Variants in GRHPR observed in about 807,000 individuals in gnomAD.
GRHPR encodes glyoxylate and hydroxypyruvate reductase.
GRHPR carries 35 observed loss-of-function variants against 36.8 expected under a neutral mutation model. The observed-to-expected ratio is 0.95, with a 90% CI of 0.73 to 1.26. GRHPR has a LOEUF of 1.26. Among genes scored for constraint, GRHPR ranks in the 50% most tolerant of loss-of-function variants. The pLI, the probability that GRHPR is intolerant of heterozygous loss-of-function variation, is 0.00. For synonymous variants in GRHPR, 179 were observed against 181.0 expected, an observed-to-expected ratio of 0.99 and a Z score of 0.09; for missense variants, 380 against 435.0, an observed-to-expected ratio of 0.87 and a Z score of 1.12.
chr9:37,435,639 G>A (rs1466517168), intron 8 of GRHPR, among the ~76,000 whole-genome samples: 5 of 151,864 alleles, frequency 3.3e-5, no homozygotes, highest in East Asian at 3.9e-4. Flanking sequence ...ACCTGTAATC[G>A]CAGCCCTTTG....
Position 37,436,109 on chromosome 9 carries a change from T to A in GRHPR, c.866-552T>A, listed in dbSNP as rs570813971. 8.5e-5 allele frequency among the ~76,000 whole-genome samples: 13 copies of A among 152,244 alleles called. No individual in the cohort carries two copies. The East Asian group carries it at 2.5e-3, about 29-fold the overall frequency. ...GTGGCCAGTGCTAAACTCCTATGCG[T>A]TCACCATTTTTTTGTTTGAGACAGA... On this transcript the variant is annotated intron_variant, in intron 8 of 8. Transcript: ENST00000318158.
chr9:37,435,023 G>A (rs536603765), intron 8 of GRHPR: 229 of 152,122 alleles, frequency 1.5e-3, no homozygotes, highest in Non-Finnish European at 2.1e-3. Flanking sequence ...AGGCCAAGGC[G>A]GGAGGATCAC....
intron 8 of GRHPR, chr9:37,433,924 C>T (rs75859510): frequency 2.5e-6 from 1 of 397,464 alleles, no homozygotes; most frequent in African/African-American, 2.1e-5. Context: ...TGAATGCTCC[C>T]ATTATTGCAG....
chr9:37,428,085 G>T, intron 4 of GRHPR: 1 of 334,958 alleles, frequency 3.0e-6, no homozygotes, highest in Non-Finnish European at 5.8e-6. Flanking sequence ...CAGCAGGGTG[G>T]GCCCTGTGGC....
chr9:37,437,570 T>C (rs1170576750), downstream of GRHPR, among the ~76,000 whole-genome samples: 2 of 152,208 alleles, frequency 1.3e-5, no homozygotes, highest in Admixed American at 6.5e-5. Context: ...GTAACTCTTA[T>C]TTTGGTCAGA....
At position 37,436,802 on chromosome 9, in the gene GRHPR, G is replaced by A. The variant is rs772430983; in HGVS notation, c.*20G>A. On this transcript the variant is annotated 3_prime_UTR_variant, in exon 9 of 9. Coordinates refer to ENST00000318158, the MANE Select transcript of GRHPR (RefSeq NM_012203.2). Reference sequence around the variant, plus strand: ...CTGTAGCCAAACAGTAGAGATGGAGGGCCGGGAAGCAAACCGTGCCCTGGT... The same window carrying A: ...CTGTAGCCAAACAGTAGAGATGGAGAGCCGGGAAGCAAACCGTGCCCTGGT... 1.2e-6 allele frequency: 2 copies of A among 1,613,734 alleles called. No individual in the cohort carries two copies. Among genetic ancestry groups the A allele is most frequent in the South Asian group, 1.1e-5 (1 of 91,034 alleles).
intron 6 of GRHPR, 126 bp downstream of exon 6, chr9:37,429,962 G>A (rs1823280873): frequency 1.4e-6 from 1 of 710,498 alleles, no homozygotes; most frequent in Non-Finnish European, 2.6e-6. Context: ...CTGCTGTCTG[G>A]TAGATGTTTA....
Position 37,425,924 on chromosome 9 carries a change from G to A in GRHPR, c.217G>A (p.Ala73Thr). The A allele has an allele frequency of 1.9e-6, 3 of 1,611,960 alleles. No homozygotes were observed. Among genetic ancestry groups the A allele is most frequent in the Non-Finnish European group, 2.5e-6 (3 of 1,177,994 alleles). Residue 73 changes from alanine to threonine, a missense_variant and splice_region_variant, in exon 3 of 9, where the codon GCC becomes ACC. Coordinates refer to ENST00000318158, the MANE Select transcript of GRHPR (RefSeq NM_012203.2). ...ACAATGCACTTTCTGCACAACAGGG[G>A]CCAATCTCAAAGTCATCAGCACCAT... ...VDKRILDAAG[A>T]NLKVISTMSV...
intron 7 of GRHPR, 24 bp from the exon 8 acceptor site, chr9:37,431,984 C>T: frequency 1.2e-6 from 2 of 1,613,480 alleles, no homozygotes; most frequent in Non-Finnish European, 1.7e-6. Context: ...TTCGGGGTAC[C>T]CATGTCACCA....
At position 37,426,692 on chromosome 9, in the gene GRHPR, G is replaced by A. The variant is rs766231869; in HGVS notation, c.404+38G>A. 7.4e-6 allele frequency: 9 copies of A among 1,210,218 alleles called. No homozygotes were observed. The African/African-American group carries it at 1.0e-4, about 14-fold the overall frequency. 75.0% of individuals were successfully genotyped at this position (1,210,218 alleles called of 1,614,324 possible). A position where few individuals can be genotyped will look rare whatever the true frequency, so the allele number is the denominator to read the frequency against. Reference sequence around the variant, plus strand: ...AGACCAGGTGCGGTGGCTCACGGCTGTAATCCCAGCACTTTGGGAGGCCAA... The same window carrying A: ...AGACCAGGTGCGGTGGCTCACGGCTATAATCCCAGCACTTTGGGAGGCCAA... On this transcript the variant is annotated intron_variant, in intron 4 of 8. Transcript: ENST00000318158.
downstream of GRHPR, chr9:37,438,794 T>C (rs1823787882): frequency 1.3e-5 from 2 of 152,214 alleles, no homozygotes; most frequent in African/African-American, 4.8e-5. Context: ...CACAACTGAA[T>C]TTCACAGGAC....
At chr9:37,428,323 G>T in intron 4 of GRHPR, 161 bp from the exon 5 acceptor site, 7 of 650,066 alleles carry the variant, frequency 1.1e-5, no homozygotes, top group Admixed American at 2.0e-5. Context: ...CGTTTCTGCT[G>T]CTCATCTGCA....
downstream of GRHPR, chr9:37,437,042 T>A (rs1183005337): frequency 4.6e-6 from 2 of 430,178 alleles, no homozygotes; most frequent in South Asian, 2.1e-5. Context: ...TGGCTGGGCA[T>A]GGTGACGCAC....
chr9:37,425,992 G>T lies in GRHPR; in HGVS notation c.285G>T (p.Lys95Asn), dbSNP rs1481124516. 2.5e-6 allele frequency: 4 copies of T among 1,606,300 alleles called. No homozygotes were observed. The highest frequency in any genetic ancestry group is 3.4e-6 in the Non-Finnish European group (4 of 1,173,010). The change falls in exon 3 of 9, where the codon AAG (lysine) becomes AAT (asparagine). Residue 95 changes from lysine (K) to asparagine (N), a missense_variant and splice_region_variant. Coordinates refer to ENST00000318158, the MANE Select transcript of GRHPR (RefSeq NM_012203.2). ...IDHLALDEIKKRGIRVGYTPD... is the reference protein window; with the variant it reads ...IDHLALDEIKNRGIRVGYTPD... ...ACTTGGCTTTGGATGAAATCAAGAA[G>T]CGGTAACTGCAGCTTGGGATCTGGA... is the stretch of plus-strand genomic sequence containing the variant.
intron 8 of GRHPR, among the ~76,000 whole-genome samples, chr9:37,435,359 G>T (rs992306789): frequency 6.6e-6 from 1 of 152,178 alleles, no homozygotes; most frequent in Non-Finnish European, 1.5e-5. Context: ...GACATATTTT[G>T]GTTTCCATGT....
chr9:37,422,678 C>T (rs10973332), upstream of GRHPR: 4 of 1,236,606 alleles, frequency 3.2e-6, no homozygotes, highest in South Asian at 1.3e-5. Context: ...TCCAGCCTGG[C>T]CCCGCCCCGG....
chr9:37,429,321 A>T, intron 5 of GRHPR: 1 of 280,456 alleles, frequency 3.6e-6, no homozygotes. Flanking sequence ...AGTGCCACCA[A>T]AAAGTCAAAT....
rs749644821 is a variant in GRHPR, at chr9:37,426,647, G to T, written c.397G>T (p.Val133Leu). 1.2e-6 allele frequency: 2 copies of T among 1,600,304 alleles called. No homozygotes were observed. Among genetic ancestry groups the T allele is most frequent in the South Asian group, 2.2e-5 (2 of 90,804 alleles). Residue 133 changes from valine (V) to leucine (L), a missense_variant, in exon 4 of 9, where the codon GTG becomes TTG. Coordinates refer to ENST00000318158, the MANE Select transcript of GRHPR (RefSeq NM_012203.2). Reference sequence around the variant, plus strand: ...CCGGTTGCCGGAGGCCATCGAGGAAGTGAAGAAGTAAGTGAACGCAGACCA... The same window carrying T: ...CCGGTTGCCGGAGGCCATCGAGGAATTGAAGAAGTAAGTGAACGCAGACCA... ...CRRLPEAIEE[V>L]KNGGWTSWKP...
At chr9:37,423,229 T>C (rs1410744019) in intron 1 of GRHPR, among the ~76,000 whole-genome samples, 1 of 150,772 alleles carries the variant, frequency 6.6e-6, no homozygotes, top group East Asian at 1.9e-4. Flanking sequence ...AGTGGCTCGA[T>C]CGATCGTGGC....
Sources: gnomAD v4.1 joint callset for allele counts (sites outside exome capture counted in the v4.1 genomes callset) on GRCh38, gnomAD v4.1.1 for gene constraint, MANE v1.5 for transcripts, NCBI Gene and HGNC (gene_info 2026-07-23, HGNC 2026-07-21) for gene names.